ASIC2: variants seen among roughly 807,000 people sequenced by gnomAD.
ASIC2 encodes the protein acid sensing ion channel subunit 2.
A neutral mutation model predicts 57.3 loss-of-function variants in ASIC2; 25 were observed. The ratio of observed to expected loss-of-function variants is 0.44; its 90% confidence interval spans 0.32 to 0.61. The LOEUF is 0.61. ASIC2 is among the 20% of genes least tolerant of loss of function. The pLI is 0.06. For synonymous variants in ASIC2, 319 were observed against 307.5 expected (o/e 1.04, Z -0.39); for missense variants, 641 against 738.1 (o/e 0.87, Z 1.52).
chr17:33,103,198 G>C (rs2092220797), intron 2 of ASIC2, among the ~76,000 whole-genome samples: 2 of 152,112 alleles, frequency 1.3e-5, no homozygotes, highest in Non-Finnish European at 2.9e-5. Context: ...TAATTAACGT[G>C]TTTTGATGTT....
At chr17:34,133,595 G>C (rs1912053881) in intron 1 of ASIC2, among the ~76,000 whole-genome samples, 1 of 152,248 alleles carries the variant, frequency 6.6e-6, no homozygotes, top group Admixed American at 6.5e-5. Flanking sequence ...CACCTGGCTT[G>C]AGGAGCCTTC....
chr17:33,668,038 C>T (rs904548177), intron 1 of ASIC2, among the ~76,000 whole-genome samples: 4 of 151,998 alleles, frequency 2.6e-5, no homozygotes, highest in African/African-American at 9.7e-5. Context: ...AAAAATCCTC[C>T]CCTAAGAGGA....
At chr17:33,895,839 T>A (rs932676433) in intron 1 of ASIC2, among the ~76,000 whole-genome samples, 9 of 152,188 alleles carry the variant, frequency 5.9e-5, no homozygotes, top group African/African-American at 2.2e-4. Context: ...GGCAAGAACA[T>A]GGACTCTAGG....
intron 1 of ASIC2, among the ~76,000 whole-genome samples, chr17:33,949,380 T>G (rs1904487943): frequency 1.3e-5 from 2 of 152,170 alleles, no homozygotes; most frequent in Admixed American, 1.3e-4. Context: ...AGACCATGGC[T>G]TTTCCAACTC....
intron 1 of ASIC2, among the ~76,000 whole-genome samples, chr17:33,461,707 T>C (rs966038157): frequency 1.3e-5 from 2 of 152,204 alleles, no homozygotes; most frequent in Non-Finnish European, 2.9e-5. Context: ...TGTGTTTATG[T>C]ATCTACAGGG....
intron 2 of ASIC2, among the ~76,000 whole-genome samples, chr17:33,094,339 C>T (rs572941937): frequency 6.6e-6 from 1 of 152,224 alleles, no homozygotes; most frequent in East Asian, 1.9e-4. Flanking sequence ...GGAGGGAGAG[C>T]TCTTCATAGT....
At chr17:33,502,598 G>A (rs1255585519) in intron 1 of ASIC2, among the ~76,000 whole-genome samples, 2 of 152,176 alleles carry the variant, frequency 1.3e-5, no homozygotes, top group African/African-American at 4.8e-5. Flanking sequence ...AATACTCATT[G>A]TCAACGACTG....
At chr17:33,653,257 T>A (rs945806808) in intron 1 of ASIC2, among the ~76,000 whole-genome samples, 2 of 152,176 alleles carry the variant, frequency 1.3e-5, no homozygotes, top group Non-Finnish European at 1.5e-5. Flanking sequence ...AGATTTCTGC[T>A]CTGACACCAC....
chr17:33,894,350 CGTGTGTGTGTGTGTGTGT>C (rs201934419), intron 1 of ASIC2, among the ~76,000 whole-genome samples: 1 of 138,528 alleles, frequency 7.2e-6, no homozygotes, highest in African/African-American at 2.7e-5. Flanking sequence ...TGCGTGCGTG[CGTGTGTGTGTGTGTGTGT>C]GTGTGTGTGT....
intron 1 of ASIC2, among the ~76,000 whole-genome samples, chr17:34,077,429 G>A (rs932471529): frequency 5.9e-5 from 9 of 152,114 alleles, no homozygotes; most frequent in Non-Finnish European, 8.8e-5. Flanking sequence ...TTTGGTGTCC[G>A]CGGAGGCTGT....
At chr17:33,131,807 G>A (rs1370746837) in intron 1 of ASIC2, 2 of 152,222 alleles carry the variant, frequency 1.3e-5, no homozygotes, top group Admixed American at 1.3e-4. Flanking sequence ...CTGCCCCGCT[G>A]AACACGCCAT....
At chr17:33,647,055 C>T (rs1906763145) in intron 1 of ASIC2, among the ~76,000 whole-genome samples, 1 of 152,100 alleles carries the variant, frequency 6.6e-6, no homozygotes, top group Non-Finnish European at 1.5e-5. Context: ...GGAGAAGTTA[C>T]TGAAGTTGAT....
At chr17:33,029,931 A>C (rs111470582) in intron 3 of ASIC2, among the ~76,000 whole-genome samples, 50 of 152,318 alleles carry the variant, frequency 3.3e-4, no homozygotes, top group Middle Eastern at 3.4e-3. Context: ...ATCTTTTGTG[A>C]AATGTCTGAG....
At chr17:33,249,144 G>A (rs927328405) in intron 1 of ASIC2, among the ~76,000 whole-genome samples, 7 of 152,212 alleles carry the variant, frequency 4.6e-5, no homozygotes, top group African/African-American at 1.7e-4. Context: ...GAGAGAAAGA[G>A]AAGGGTGAAG....
Position 33,619,022 on chromosome 17 carries a change from T to C in ASIC2, c.556-506955A>G, listed in dbSNP as rs538423904. Among the ~76,000 whole-genome samples the C allele has an allele frequency of 2.6e-5, 4 of 152,294 alleles. No individual in the cohort carries two copies. In the South Asian group the frequency reaches 8.3e-4, roughly 32 times the overall value. Reference sequence around the variant, plus strand: ...CCTTCTCCTTCTCCTGTGATCTCATTACACTGTGTAACTGAAATAATGTAT... The same window carrying C: ...CCTTCTCCTTCTCCTGTGATCTCATCACACTGTGTAACTGAAATAATGTAT... On this transcript the variant is annotated intron_variant, in intron 1 of 9. Coordinates refer to the ASIC2 transcript ENST00000359872.
At chr17:33,242,240 C>A (rs1413139876) in intron 1 of ASIC2, among the ~76,000 whole-genome samples, 1 of 151,586 alleles carries the variant, frequency 6.6e-6, no homozygotes, top group African/African-American at 2.4e-5. Flanking sequence ...TGGCATGAAC[C>A]TGGGAGGCGG....
chr17:33,146,361 C>T (rs531812172), intron 1 of ASIC2, among the ~76,000 whole-genome samples: 5 of 152,246 alleles, frequency 3.3e-5, no homozygotes, highest in African/African-American at 9.6e-5. Context: ...AATTGACCCT[C>T]GGAGGGGTTA....
intron 1 of ASIC2, among the ~76,000 whole-genome samples, chr17:33,623,716 C>T (rs1905885306): frequency 6.6e-6 from 1 of 152,160 alleles, no homozygotes; most frequent in African/African-American, 2.4e-5. Context: ...CTTTGTCTCT[C>T]AGTGCTTCTT....
intron 1 of ASIC2, among the ~76,000 whole-genome samples, chr17:34,127,031 C>T (rs1182128951): frequency 6.6e-6 from 1 of 152,090 alleles, no homozygotes; most frequent in African/African-American, 2.4e-5. Flanking sequence ...GTGGGAGGGC[C>T]CATGGATAAG....
Sources: gnomAD v4.1 joint callset for allele counts (sites outside exome capture counted in the v4.1 genomes callset) on GRCh38, gnomAD v4.1.1 for gene constraint, MANE v1.5 for transcripts, NCBI Gene and HGNC (gene_info 2026-07-23, HGNC 2026-07-21) for gene names.